The following FAM135B variants were observed in gnomAD, a reference collection of about 807,000 sequenced individuals.
The protein encoded by FAM135B is protein FAM135B.
FAM135B carries 43 observed loss-of-function variants against 127.7 expected under a neutral mutation model. The ratio of observed to expected loss-of-function variants is 0.34; its 90% CI spans 0.26 to 0.43. FAM135B has a LOEUF of 0.43. Among genes scored for constraint, FAM135B ranks in the 20% least tolerant of loss-of-function variants. The pLI, the probability that FAM135B is intolerant of heterozygous loss-of-function variation, is 1.00. For synonymous variants in FAM135B, 670 were observed against 665.1 expected (o/e 1.01, Z -0.11); for missense variants, 1,558 against 1,725.6 (o/e 0.90, Z 1.72).
chr8:138,348,114 T>C (rs1480203039), intron 2 of FAM135B, among the ~76,000 whole-genome samples: 2 of 146,592 alleles, frequency 1.4e-5, no homozygotes, highest in African/African-American at 5.0e-5. Flanking sequence ...GATTAGTTCT[T>C]CTTTTTCCTC....
At position 138,242,442 on chromosome 8, in the gene FAM135B, A is replaced by G. The variant is rs1820886858; in HGVS notation, c.669+500T>C. On this transcript the variant is annotated intron_variant, in intron 7 of 19. Coordinates refer to ENST00000395297, the MANE Select transcript of FAM135B (RefSeq NM_015912.4). This position sits in a 1 kb window ranked among gnomAD's most constrained non-coding sequence, Gnocchi z 9.6. ...GACAGGATATGCATATTTAGTTAGCAGCTAGTGAGTATTGGATACCGGGCT... is the reference window on the plus strand; with the variant it reads ...GACAGGATATGCATATTTAGTTAGCGGCTAGTGAGTATTGGATACCGGGCT... 6.6e-6 allele frequency among the ~76,000 whole-genome samples: 1 copy of G among 152,126 alleles called. No individual in the cohort carries two copies. Among genetic ancestry groups the G allele is most frequent in the Non-Finnish European group, 1.5e-5 (1 of 68,022 alleles).
intron 6 of FAM135B, among the ~76,000 whole-genome samples, chr8:138,246,356 G>C (rs532426129): frequency 8.8e-4 from 134 of 152,220 alleles, no homozygotes; most frequent in African/African-American, 3.1e-3. Flanking sequence ...GGTTTTGAGG[G>C]CCTGGGACCA....
intron 1 of FAM135B, among the ~76,000 whole-genome samples, chr8:138,496,214 C>T (rs1815385390): frequency 6.6e-6 from 1 of 152,170 alleles, no homozygotes; most frequent in Non-Finnish European, 1.5e-5. Context: ...GCTGCAGTGT[C>T]CCCGCACACC....
intron 18 of FAM135B, among the ~76,000 whole-genome samples, chr8:138,138,586 C>A (rs1816859501): frequency 6.6e-6 from 1 of 152,240 alleles, no homozygotes; most frequent in African/African-American, 2.4e-5. Context: ...CTGACAATGA[C>A]CCCCGTCTCC....
intron 9 of FAM135B, among the ~76,000 whole-genome samples, chr8:138,189,018 C>T (rs993710889): frequency 6.6e-6 from 1 of 152,198 alleles, no homozygotes; most frequent in South Asian, 2.1e-4. Context: ...TTTCTGTTTT[C>T]CTGCTTGAAT....
In FAM135B at chr8:138,324,836, G is replaced by A. The variant is rs567394260; in HGVS notation, c.78-13916C>T. On this transcript the variant is annotated intron_variant, in intron 2 of 19. Coordinates refer to ENST00000395297, the MANE Select transcript of FAM135B (RefSeq NM_015912.4). ...ATACAATACACCCTATCCTGACCGG[G>A]GGAAGAATTAATTAAAAGTCCTGGT... Among the ~76,000 whole-genome samples the A allele has an allele frequency of 2.6e-5, 4 of 152,234 alleles. No individual in the cohort carries two copies. The East Asian group carries it at 7.7e-4, about 29-fold the overall frequency.
chr8:138,298,629 A>AT (rs1489665476), intron 3 of FAM135B, among the ~76,000 whole-genome samples: 2 of 152,020 alleles, frequency 1.3e-5, no homozygotes, highest in East Asian at 1.9e-4. Flanking sequence ...AGAAGTCTGG[A>AT]TTTTTTTTCT....
chr8:138,225,319 G>A (rs973851970), intron 7 of FAM135B, among the ~76,000 whole-genome samples: 1 of 151,930 alleles, frequency 6.6e-6, no homozygotes, highest in Non-Finnish European at 1.5e-5. Context: ...CCATGTGAAG[G>A]TACAACAAGA....
chr8:138,267,439 A>C (rs1019690995), intron 3 of FAM135B, among the ~76,000 whole-genome samples: 1 of 151,336 alleles, frequency 6.6e-6, no homozygotes, highest in African/African-American at 2.4e-5. Context: ...ATTCATCCTC[A>C]CATCTACCTC....
rs144065494 is a variant in FAM135B at position 138,424,088 on chromosome 8, C to T, written c.-19-56086G>A. 9.9e-3 allele frequency among the ~76,000 whole-genome samples: 1,504 copies of T among 152,198 alleles called. 23 individuals carry two copies. The highest frequency in any genetic ancestry group is 0.033 in the African/African-American group (1,374 of 41,514). ...GTGCCCAGATTTCATATTGTTCAAA[C>T]ACACATGCTCTACAAACAATTTGTG... On this transcript the variant is annotated intron_variant, in intron 1 of 19. Transcript: ENST00000395297.
intron 5 of FAM135B, among the ~76,000 whole-genome samples, chr8:138,251,664 C>G (rs1208766299): frequency 1.3e-5 from 2 of 152,154 alleles, no homozygotes; most frequent in South Asian, 2.1e-4. Context: ...TGACATGTAT[C>G]TGAGTCTAAG....
chr8:138,426,785 C>T (rs1029558301), intron 1 of FAM135B, among the ~76,000 whole-genome samples: 4 of 151,670 alleles, frequency 2.6e-5, no homozygotes, highest in Non-Finnish European at 4.4e-5. Context: ...CTATGAGACA[C>T]GAATTATGAT....
At chr8:138,283,548 A>C (rs1487613478) in intron 3 of FAM135B, among the ~76,000 whole-genome samples, 2 of 152,248 alleles carry the variant, frequency 1.3e-5, no homozygotes, top group East Asian at 3.9e-4. Context: ...GTGTCATTAC[A>C]TATTTGTGCA....
At chr8:138,379,646 C>A (rs1022805552) in intron 1 of FAM135B, among the ~76,000 whole-genome samples, 65 of 152,122 alleles carry the variant, frequency 4.3e-4, no homozygotes, top group African/African-American at 1.5e-3. Flanking sequence ...ATACCGAGCC[C>A]ACAGCCAACA....
chr8:138,470,289 G>A (rs145412263), intron 1 of FAM135B, among the ~76,000 whole-genome samples: 210 of 152,232 alleles, frequency 1.4e-3, no homozygotes, highest in African/African-American at 5.0e-3. Flanking sequence ...AAGGCAATGA[G>A]ACCAGGTGGG....
At chr8:138,467,405 A>C (rs960570878) in intron 1 of FAM135B, among the ~76,000 whole-genome samples, 1 of 152,218 alleles carries the variant, frequency 6.6e-6, no homozygotes, top group Non-Finnish European at 1.5e-5. Flanking sequence ...AATTAAATGA[A>C]ATGTTAAAAA....
chr8:138,489,753 C>T (rs991382110), intron 1 of FAM135B, among the ~76,000 whole-genome samples: 1 of 152,154 alleles, frequency 6.6e-6, no homozygotes, highest in Non-Finnish European at 1.5e-5. Flanking sequence ...CATCCTACTG[C>T]CTGCAATACT....
At chr8:138,355,018 A>C (rs1830003726) in intron 2 of FAM135B, among the ~76,000 whole-genome samples, 1 of 151,756 alleles carries the variant, frequency 6.6e-6, no homozygotes, top group African/African-American at 2.4e-5. Flanking sequence ...CCTTCCTCCC[A>C]CCCTACAGCA....
intron 2 of FAM135B, among the ~76,000 whole-genome samples, chr8:138,334,227 C>T (rs1587125849): frequency 6.6e-6 from 1 of 152,100 alleles, no homozygotes; most frequent in South Asian, 2.1e-4. Context: ...CCGGCCCCAT[C>T]TCTCTCTTAT....
Sources: gnomAD v4.1 joint callset for allele counts (sites outside exome capture counted in the v4.1 genomes callset) on GRCh38, gnomAD v4.1.1 for gene constraint, Gnocchi (gnomAD v3.1) non-coding constraint, MANE v1.5 for transcripts, NCBI Gene and HGNC (gene_info 2026-07-23, HGNC 2026-07-21) for gene names.